HSPD1: variants seen among roughly 807,000 people sequenced by gnomAD.
HSPD1 encodes 60 kDa heat shock protein, mitochondrial.
Under a neutral mutation model 53.0 loss-of-function variants are expected in HSPD1, and 3 were observed. The observed-to-expected ratio is 0.06, with a 90% CI of 0.03 to 0.15. The LOEUF (loss-of-function observed/expected upper bound fraction) is 0.15. Ranked by LOEUF, HSPD1 falls within the 10% of genes least tolerant of loss-of-function variation. HSPD1 has a pLI of 1.00. For missense variants in HSPD1, 431 were observed against 694.1 expected, an observed-to-expected ratio of 0.62 and a Z score of 4.26; for synonymous variants, 200 against 228.0, an observed-to-expected ratio of 0.88 and a Z score of 1.10.
At chr2:197,491,109 C>T (rs2086085792) in intron 7 of HSPD1, among the ~76,000 whole-genome samples, 1 of 151,890 alleles carries the variant, frequency 6.6e-6, no homozygotes. Context: ...CTGGATATCC[C>T]ACTTTTCAAC....
chr2:197,497,115 C>T, intron 3 of HSPD1, 25 bp downstream of exon 3: 1 of 1,611,888 alleles, frequency 6.2e-7, no homozygotes, highest in Non-Finnish European at 8.5e-7. Context: ...GTTTAGAACA[C>T]TGTGGTGACA....
chr2:197,495,065 G>A (rs1388198535), intron 4 of HSPD1: 3 of 602,492 alleles, frequency 5.0e-6, no homozygotes, highest in Non-Finnish European at 8.9e-6. Flanking sequence ...ACAATCATAT[G>A]AATCCATTTT....
At chr2:197,490,501 A>T (rs1356966266) in intron 7 of HSPD1, 1 of 583,192 alleles carries the variant, frequency 1.7e-6, no homozygotes, top group African/African-American at 1.9e-5. Context: ...ATTTTCTATT[A>T]ATTATACTTG....
intron 1 of HSPD1, 175 bp from the exon 2 acceptor site, chr2:197,499,025 C>G (rs1340538337): frequency 1.7e-5 from 12 of 693,286 alleles, no homozygotes; most frequent in Non-Finnish European, 2.6e-6. Context: ...CAGCCACTAG[C>G]GCAAGCTAAA....
At chr2:197,492,284 A>G (rs2086103861) in intron 7 of HSPD1, among the ~76,000 whole-genome samples, 3 of 152,206 alleles carry the variant, frequency 2.0e-5, no homozygotes, top group Non-Finnish European at 4.4e-5. Flanking sequence ...TCCGCCTCCC[A>G]GATTCAAGTG....
At position 197,493,311 on chromosome 2, in the gene HSPD1, C is replaced by T. The variant is rs1166152001; in HGVS notation, c.869+13G>A. ...CCGAGAAATATAAATCAACAAATAC[C>T]ACTGCTTATTACCTATTCAAGACGA... is the stretch of plus-strand genomic sequence containing the variant. On this transcript the variant is annotated intron_variant, in intron 7 of 11. Coordinates refer to ENST00000388968, the MANE Select transcript of HSPD1 (RefSeq NM_002156.5). The T allele has an allele frequency of 2.5e-6, 4 of 1,605,432 alleles. No individual in the cohort carries two copies. The highest frequency in any genetic ancestry group is 2.6e-6 in the Non-Finnish European group (3 of 1,172,680).
At chr2:197,488,071 C>A in intron 10 of HSPD1, 35 bp from the exon 11 acceptor site, 1 of 1,402,786 alleles carries the variant, frequency 7.1e-7, no homozygotes, top group Non-Finnish European at 9.9e-7. Flanking sequence ...TTAATACTTT[C>A]ATTTGTAAAT....
At chr2:197,494,312 G>T (rs1161314216) in intron 5 of HSPD1, 62 bp from the exon 6 acceptor site, 3 of 865,056 alleles carry the variant, frequency 3.5e-6, no homozygotes, top group East Asian at 2.4e-5. Flanking sequence ...GGAATTACAG[G>T]CCAGATTAAT....
In HSPD1 at chr2:197,489,314, A is replaced by C; in HGVS notation, c.970-67T>G. On this transcript the variant is annotated intron_variant, in intron 8 of 11. Coordinates refer to ENST00000388968, the MANE Select transcript of HSPD1 (RefSeq NM_002156.5). ...TTCTGCCATTATACCAAGTTTATTA[A>C]TACACCATGCAAGAGAATCATCAAA... is the stretch of plus-strand genomic sequence containing the variant. The C allele has an allele frequency of 6.8e-6, 10 of 1,464,790 alleles. No individual in the cohort carries two copies. In the Admixed American group the frequency reaches 1.3e-4, roughly 20 times the overall value. 90.7% of individuals were successfully genotyped at this position (1,464,790 alleles called of 1,614,324 possible). A position where few individuals can be genotyped will look rare whatever the true frequency, so the allele number is the denominator to read the frequency against.
rs778839028 is a variant in HSPD1, at chr2:197,489,234, T to A, written c.983A>T (p.Glu328Val). ...GTCTTCAAGATTCAGGGTCAATCCCTCTTCTCCAAACACCTACAAAAAGAG... is the reference window on the plus strand; with the variant it reads ...GTCTTCAAGATTCAGGGTCAATCCCACTTCTCCAAACACCTACAAAAAGAG... ...IATGGAVFGEEGLTLNLEDVQ... is the reference protein window; with the variant it reads ...IATGGAVFGEVGLTLNLEDVQ... The change falls in exon 9 of 12, where the codon GAG becomes GTG. Residue 328 changes from glutamate (E) to valine (V), a missense_variant. By Grantham distance (121) the Glu-to-Val change is moderately radical. Coordinates refer to ENST00000388968, the MANE Select transcript of HSPD1 (RefSeq NM_002156.5). 3 of 1,614,214 alleles carry A rather than the reference T, an allele frequency of 1.9e-6. No homozygotes were observed. Among genetic ancestry groups the A allele is most frequent in the Non-Finnish European group, 2.5e-6 (3 of 1,180,018 alleles).
chr2:197,492,544 C>T (rs2086106172), intron 7 of HSPD1, among the ~76,000 whole-genome samples: 1 of 151,868 alleles, frequency 6.6e-6, no homozygotes. Context: ...AAATAATATT[C>T]TGAAAATTTA....
At chr2:197,487,728 C>A in intron 11 of HSPD1, 130 bp downstream of exon 11, 1 of 731,720 alleles carries the variant, frequency 1.4e-6, no homozygotes, top group Non-Finnish European at 2.5e-6. Context: ...TGTTGATGGG[C>A]ACAAGAGCTA....
At chr2:197,499,389 T>A (rs1417722187) in intron 1 of HSPD1, 1 of 162,920 alleles carries the variant, frequency 6.1e-6, no homozygotes, top group African/African-American at 2.4e-5. Context: ...TGTCCTTCTT[T>A]CCGAACGCCC....
rs2086191734 is a variant in HSPD1 at position 197,498,613 on chromosome 2, CTATT to C, written c.174+58_174+61del. The stretch of plus-strand genomic sequence containing the variant: ...AGTACTGTTGAATAGTTCAGTGCGA[CTATT>C]TGTGAGTAAAATGCTATTAATAATA... On this transcript the variant is annotated intron_variant, in intron 2 of 11. Coordinates refer to ENST00000388968, the MANE Select transcript of HSPD1 (RefSeq NM_002156.5). 5 of 1,419,856 alleles carry C rather than the reference CTATT, an allele frequency of 3.5e-6. No individual in the cohort carries two copies. The South Asian group carries it at 4.6e-5, about 13-fold the overall frequency. The allele number at this position is 1,419,856 out of a possible 1,614,324, so 88.0% of individuals were successfully genotyped here.
At position 197,487,871 on chromosome 2, in the gene HSPD1, A is replaced by G. The variant is rs2086045656; in HGVS notation, c.1556T>C (p.Ile519Thr). Residue 519 changes from isoleucine to threonine, a missense_variant, in exon 11 of 12, where the codon ATT (isoleucine) becomes ACT (threonine). This residue lies in a region of HSPD1 where 386 missense variants were observed against 657.6 expected (regional missense o/e 0.59). Coordinates refer to ENST00000388968, the MANE Select transcript of HSPD1 (RefSeq NM_002156.5). ...DFVNMVEKGI[I>T]DPTKVVRTAL... ...TCAACCATTTACCTTTGTTGGGTCA[A>G]TGATTCCTTTTTCCACCATATTCAC... 1 of 1,613,584 alleles carries G rather than the reference A, an allele frequency of 6.2e-7. No homozygotes were observed. Among genetic ancestry groups the G allele is most frequent in the Non-Finnish European group, 8.5e-7 (1 of 1,179,514 alleles).
intron 4 of HSPD1, 40 bp from the exon 5 acceptor site, chr2:197,494,792 C>T: frequency 7.6e-7 from 1 of 1,316,084 alleles, no homozygotes; most frequent in South Asian, 1.2e-5. Context: ...AAAAGGTAAG[C>T]CTAGTGTCCT....
chr2:197,499,209 G>C, intron 1 of HSPD1: 1 of 374,746 alleles, frequency 2.7e-6, no homozygotes, highest in East Asian at 6.6e-5. Context: ...CAGCCGGAGA[G>C]AGGCAAGTTA....
intron 3 of HSPD1, among the ~76,000 whole-genome samples, chr2:197,496,338 T>C (rs529092503): frequency 6.6e-6 from 1 of 152,338 alleles, no homozygotes; most frequent in Admixed American, 6.5e-5. Context: ...GTAAAACTGC[T>C]TTTAGTGAAG....
In HSPD1 at chr2:197,490,730, C is replaced by T. The variant is rs548041863; in HGVS notation, c.870-434G>A. Among the ~76,000 whole-genome samples, 69 of 152,010 alleles carry T rather than the reference C, an allele frequency of 4.5e-4. No homozygotes were observed. In the South Asian group the frequency reaches 0.014, roughly 31 times the overall value. On this transcript the variant is annotated intron_variant, in intron 7 of 11. Transcript: ENST00000388968. ...CTGTAATCCCCACTACTCAGGAGGC[C>T]GAGCAGCAAAAATCACATCACAGTA...
Sources: gnomAD v4.1 joint callset for allele counts (sites outside exome capture counted in the v4.1 genomes callset) on GRCh38, gnomAD v4.1.1 for gene constraint, gnomAD v4.1.1 regional missense constraint, MANE v1.5 for transcripts, NCBI Gene and HGNC (gene_info 2026-07-23, HGNC 2026-07-21) for gene names.